Variants in CACNA1I observed in about 807,000 individuals in gnomAD.
The protein encoded by CACNA1I is calcium voltage-gated channel subunit alpha1 I.
A neutral mutation model predicts 201.6 loss-of-function variants in CACNA1I; 74 were observed. That is an observed-to-expected ratio of 0.37 (90% CI 0.30 to 0.45). The LOEUF (loss-of-function observed/expected upper bound fraction) is 0.45, where lower values mean the gene tolerates loss of function less well. CACNA1I is among the 20% of genes least tolerant of loss of function. The pLI is 1.00. For synonymous variants in CACNA1I, 1,431 were observed against 1,345.2 expected, an observed-to-expected ratio of 1.06 and a Z score of -1.40; for missense variants, 2,346 against 3,138.1, an observed-to-expected ratio of 0.75 and a Z score of 6.03.
At chr22:39,609,843 A>G (rs1437872854) in intron 3 of CACNA1I, among the ~76,000 whole-genome samples, 1 of 152,190 alleles carries the variant, frequency 6.6e-6, no homozygotes, top group Non-Finnish European at 1.5e-5. Flanking sequence ...ACCCTCTGCC[A>G]AAGCCGTGGC....
Position 39,679,830 on chromosome 22 carries a change from C to T in CACNA1I, c.5503C>T (p.Pro1835Ser). The T allele has an allele frequency of 6.2e-7, 1 of 1,612,950 alleles. No homozygotes were observed. The highest frequency in any genetic ancestry group is 8.5e-7 in the Non-Finnish European group (1 of 1,179,568). ...SGSIFHHYSS[P>S]AGCKKCHHDK... is the part of the protein sequence containing the mutation. ...CTCCATCTTCCACCACTACTCCTCGCCTGCCGGCTGCAAGAAGTGTCACCA... is the reference window on the plus strand; with the variant it reads ...CTCCATCTTCCACCACTACTCCTCGTCTGCCGGCTGCAAGAAGTGTCACCA... Residue 1835 changes from proline (P) to serine (S), a missense_variant, in exon 33 of 37, where the codon CCT becomes TCT. Around this residue, in one of 13 missense-constraint regions of CACNA1I, gnomAD observed 441 missense variants for 555.6 expected, o/e 0.79. Transcript: ENST00000402142.
intron 1 of CACNA1I, among the ~76,000 whole-genome samples, chr22:39,585,639 C>T (rs973910466): frequency 9.8e-5 from 14 of 142,214 alleles, no homozygotes; most frequent in African/African-American, 2.6e-4. Flanking sequence ...CTGCCCACCT[C>T]GGCCTCCCAA....
intron 1 of CACNA1I, among the ~76,000 whole-genome samples, chr22:39,588,435 G>GA (rs1932784628): frequency 6.8e-6 from 1 of 147,006 alleles, no homozygotes; most frequent in South Asian, 2.2e-4. Context: ...GCCCAGGCTG[G>GA]AGTGCAGTGG....
In CACNA1I at chr22:39,661,308, C is replaced by T; in HGVS notation, c.2899C>T (p.Leu967=). 6.4e-7 allele frequency: 1 copy of T among 1,560,718 alleles called. No individual in the cohort carries two copies. Among genetic ancestry groups the T allele is most frequent in the Middle Eastern group, 1.8e-4 (1 of 5,710 alleles). The change falls in exon 16 of 37, where the codon CTG becomes TTG. Residue 967 remains leucine (L), a splice_region_variant and synonymous_variant. Transcript: ENST00000402142. ...LGRMSYDQRS[L]SSSRSSYYGP... ...GAGGATGAGCTATGACCAGCGCTCC[C>T]TGGTGAGTCCTTGTGGGGAGCTCTG...
At chr22:39,607,067 TGTCTG>T (rs1411809195) in intron 3 of CACNA1I, among the ~76,000 whole-genome samples, 1 of 152,182 alleles carries the variant, frequency 6.6e-6, no homozygotes, top group African/African-American at 2.4e-5. Context: ...AGAATTCTGA[TGTCTG>T]GTCTCTGGGG....
At chr22:39,575,400 G>C (rs1052249092) in intron 1 of CACNA1I, among the ~76,000 whole-genome samples, 4 of 152,178 alleles carry the variant, frequency 2.6e-5, no homozygotes, top group Non-Finnish European at 5.9e-5. Context: ...TTTGGGAACT[G>C]GAAAAGCCAC....
intron 31 of CACNA1I, among the ~76,000 whole-genome samples, chr22:39,678,388 G>C (rs1205703432): frequency 6.6e-6 from 1 of 152,218 alleles, no homozygotes; most frequent in Non-Finnish European, 1.5e-5. Flanking sequence ...GGGGACCTGG[G>C]GCCCAGGCAG....
At position 39,570,939 on chromosome 22, in the gene CACNA1I, C is replaced by T. The variant is rs1025122085; in HGVS notation, c.187C>T (p.Arg63Ter). The T allele has an allele frequency of 5.0e-6, 8 of 1,613,682 alleles. No homozygotes were observed. The highest frequency in any genetic ancestry group is 2.2e-5 in the East Asian group (1 of 44,878). Residue 63 changes from arginine to a stop codon, truncating the protein, a stop_gained, in exon 1 of 37, where the codon CGA (arginine) becomes TGA (stop). Coordinates refer to ENST00000402142, the MANE Select transcript of CACNA1I (RefSeq NM_021096.4). LOFTEE classifies it high-confidence loss of function. ...DLAPIAFFCL[R>*]QTTSPRNWCI... is the part of the protein sequence containing the mutation. ...GGCGCCTATTGCCTTCTTCTGCCTGCGACAGACCACCAGCCCCCGGAACTG... is the reference window on the plus strand; with the variant it reads ...GGCGCCTATTGCCTTCTTCTGCCTGTGACAGACCACCAGCCCCCGGAACTG...
rs1932801234 is a variant in CACNA1I, at chr22:39,589,834, G to A, written c.237-8317G>A. Reference sequence around the variant, plus strand: ...CCTTCCCTACCTCCCCGATCCAGGAGGATGGAGCCCCCAGCCCCTTTTCTC... The same window carrying A: ...CCTTCCCTACCTCCCCGATCCAGGAAGATGGAGCCCCCAGCCCCTTTTCTC... On this transcript the variant is annotated intron_variant, in intron 1 of 36. Coordinates refer to ENST00000402142, the MANE Select transcript of CACNA1I (RefSeq NM_021096.4). 2.0e-5 allele frequency among the ~76,000 whole-genome samples: 3 copies of A among 152,216 alleles called. 1 individual carries two copies. Among genetic ancestry groups the A allele is most frequent in the Admixed American group, 2.0e-4 (3 of 15,286 alleles).
intron 1 of CACNA1I, among the ~76,000 whole-genome samples, chr22:39,587,303 C>G (rs1932765096): frequency 6.6e-6 from 1 of 152,212 alleles, no homozygotes; most frequent in Non-Finnish European, 1.5e-5. Context: ...TCTCAATGCA[C>G]TGAGATGGCA....
chr22:39,658,081 G>T, intron 10 of CACNA1I, 71 bp from the exon 11 acceptor site: 1 of 1,521,958 alleles, frequency 6.6e-7, no homozygotes. Context: ...GCCAGGGTGG[G>T]TGTCCAGAGG....
At chr22:39,607,211 C>T (rs1028440293) in intron 3 of CACNA1I, among the ~76,000 whole-genome samples, 3 of 152,170 alleles carry the variant, frequency 2.0e-5, no homozygotes, top group South Asian at 4.1e-4. Context: ...TGAAAGACTT[C>T]GCAAGCTTCT....
intron 2 of CACNA1I, 100 bp downstream of exon 2, chr22:39,598,362 C>T: frequency 1.6e-6 from 1 of 628,292 alleles, no homozygotes; most frequent in Non-Finnish European, 2.9e-6. Context: ...CCTGGCCTTG[C>T]CCCGCCCACT....
intron 7 of CACNA1I, 144 bp from the exon 8 acceptor site, chr22:39,646,425 A>G: frequency 7.9e-7 from 1 of 1,270,148 alleles, no homozygotes; most frequent in South Asian, 1.6e-5. Context: ...CTGTACCGCC[A>G]TCTCCATCTC....
chr22:39,634,859 G>T, intron 5 of CACNA1I, 135 bp downstream of exon 5: 1 of 780,882 alleles, frequency 1.3e-6, no homozygotes, highest in Non-Finnish European at 2.0e-6. Context: ...GGAGGGGAAA[G>T]GGAAGTTAAG....
At chr22:39,679,990 A>G (rs958754958) in intron 33 of CACNA1I, 122 bp downstream of exon 33, 9 of 975,634 alleles carry the variant, frequency 9.2e-6, no homozygotes, top group African/African-American at 1.6e-5. Flanking sequence ...CAACGTGGGC[A>G]CACGTAGCTT....
At chr22:39,594,727 G>A (rs975367870) in intron 1 of CACNA1I, among the ~76,000 whole-genome samples, 12 of 152,042 alleles carry the variant, frequency 7.9e-5, no homozygotes, top group African/African-American at 2.9e-4. Context: ...CCCAGCTAAG[G>A]GCAAGGGCTT....
intron 24 of CACNA1I, among the ~76,000 whole-genome samples, chr22:39,668,788 T>A (rs1935277059): frequency 1.3e-5 from 2 of 151,652 alleles, no homozygotes; most frequent in Admixed American, 6.6e-5. Context: ...GAGAGAGGCA[T>A]GAGGTGGGGA....
intron 2 of CACNA1I, 80 bp downstream of exon 2, chr22:39,598,342 C>T: frequency 1.4e-6 from 1 of 706,210 alleles, no homozygotes; most frequent in South Asian, 1.7e-5. Context: ...TCCACACCCC[C>T]GCCCCATGTC....
Sources: allele counts gnomAD v4.1 joint callset (sites outside exome capture counted in the v4.1 genomes callset), GRCh38; gene constraint gnomAD v4.1.1; regional missense constraint gnomAD v4.1.1; transcripts MANE v1.5; gene names NCBI Gene and HGNC (gene_info 2026-07-23, HGNC 2026-07-21).